ARHGAP4: variants seen among roughly 807,000 people sequenced by gnomAD.
ARHGAP4 encodes the protein rho GTPase-activating protein 4.
A neutral mutation model predicts 67.6 loss-of-function variants in ARHGAP4; 25 were observed. The ratio of observed to expected loss-of-function variants is 0.37; its 90% confidence interval spans 0.27 to 0.52. The LOEUF is 0.52. Among genes scored for constraint, ARHGAP4 ranks in the 20% least tolerant of loss-of-function variants. The probability of loss-of-function intolerance (pLI) is 0.92; values close to 1 mark genes in which losing one functional copy is unlikely to be tolerated. For missense variants in ARHGAP4, 804 were observed against 854.6 expected (o/e 0.94, Z 0.74); for synonymous variants, 448 against 373.7 (o/e 1.20, Z -2.29).
rs1226684611 is a variant in ARHGAP4 at position 153,920,791 on chromosome X, C to T, written c.516G>A (p.Gln172=). The stretch of plus-strand genomic sequence containing the variant: ...CATTCACGCTCTCCATGTGATATGC[C>T]TGGTACGTCTTCTTGGCCTGCAGGG... ...SELQTAKKTY[Q]AYHMESVNAE... Residue 172 remains glutamine, a synonymous_variant, in exon 5 of 22, where the codon CAG becomes CAA. Transcript: ENST00000350060. The T allele has an allele frequency of 2.8e-5, 34 of 1,211,119 alleles. No homozygotes were observed. The Admixed American group carries it at 7.4e-4, about 26-fold the overall frequency.
chrX:153,912,445 C>T (rs781909006), intron 12 of ARHGAP4, among the ~76,000 whole-genome samples: 6 of 112,128 alleles, frequency 5.4e-5, no homozygotes, highest in African/African-American at 1.6e-4. Context: ...CTCAATATCT[C>T]GCCCCTAAAA....
At chrX:153,925,700 T>C (rs973538251) in intron 1 of ARHGAP4, among the ~76,000 whole-genome samples, 2 of 112,120 alleles carry the variant, frequency 1.8e-5, no homozygotes, top group Non-Finnish European at 1.9e-5. Flanking sequence ...CTCCAGGGAC[T>C]GCAGTGGGGT....
chrX:153,919,833 C>A (rs1373705295), intron 5 of ARHGAP4: 3 of 595,841 alleles, frequency 5.0e-6, no homozygotes, highest in Non-Finnish European at 4.8e-6. Flanking sequence ...GTCGCCCAGG[C>A]TGGAGTACAG....
chrX:153,914,542 A>T, intron 7 of ARHGAP4, among the ~76,000 whole-genome samples: 1 of 111,752 alleles, frequency 8.9e-6, no homozygotes, highest in Non-Finnish European at 1.9e-5. Context: ...CTAAAAATAC[A>T]AAAAATTAAC....
rs2064999597 is a variant in ARHGAP4, at chrX:153,909,488, G to A, written c.2462C>T (p.Ser821Phe). 8.3e-7 allele frequency: 1 copy of A among 1,209,899 alleles called. No homozygotes were observed. Among genetic ancestry groups the A allele is most frequent in the Non-Finnish European group, 1.1e-6 (1 of 894,648 alleles). ...CAGGAGGCCCTCGGGACTGCTCCCA[G>A]ACTCCCCTGCAGTCTGCAGCCCTGC... Reference protein sequence around the residue: ...VGAGLQTAGESGSSPEGLLAS... With the variant: ...VGAGLQTAGEFGSSPEGLLAS... Residue 821 changes from serine to phenylalanine, a missense_variant, in exon 20 of 22, where the codon TCT (serine) becomes TTT (phenylalanine). Around this residue, in one of 2 missense-constraint regions of ARHGAP4, gnomAD observed 400 missense variants for 348.7 expected, o/e 1.15. Transcript: ENST00000350060.
intron 7 of ARHGAP4, among the ~76,000 whole-genome samples, chrX:153,916,875 C>G (rs1438322466): frequency 8.9e-6 from 1 of 111,853 alleles, no homozygotes; most frequent in African/African-American, 3.3e-5. Flanking sequence ...GTCAGGAGTT[C>G]GAGACAAGCC....
At chrX:153,912,426 G>A (rs1389200175) in intron 12 of ARHGAP4, among the ~76,000 whole-genome samples, 1 of 111,947 alleles carries the variant, frequency 8.9e-6, no homozygotes, top group Non-Finnish European at 1.9e-5. Context: ...AAGTCGCAGG[G>A]GAGAAGCTCT....
intron 7 of ARHGAP4, among the ~76,000 whole-genome samples, chrX:153,916,296 G>C (rs2065055162): frequency 8.9e-6 from 1 of 112,866 alleles, no homozygotes; most frequent in African/African-American, 3.2e-5. Context: ...CCAGGACCAA[G>C]CCCCACTTAC....
intron 12 of ARHGAP4, among the ~76,000 whole-genome samples, 155 bp downstream of exon 12, chrX:153,912,545 G>A (rs1557103506): frequency 8.9e-6 from 1 of 112,227 alleles, no homozygotes; most frequent in East Asian, 2.8e-4. Flanking sequence ...GCCCAACAGT[G>A]GCCTGGAAGA....
Position 153,910,226 on chromosome X carries a change from G to A in ARHGAP4, c.2101C>T (p.Leu701=), listed in dbSNP as rs1044512023. ...CACTTCTCGTAGACGGGGCCAGGCA[G>A]CGAGGTCAGGGGCGGGAAGACCCGA... ...PDRVFPPLTS[L]PGPVYEKCMA... Residue 701 remains leucine (L), a synonymous_variant, in exon 17 of 22, where the codon CTG becomes TTG. Coordinates refer to ENST00000350060, the MANE Select transcript of ARHGAP4 (RefSeq NM_001666.5). 54 of 1,209,916 alleles carry A rather than the reference G, an allele frequency of 4.5e-5. No individual in the cohort carries two copies. The highest frequency in any genetic ancestry group is 5.5e-5 in the Non-Finnish European group (49 of 895,197).
rs74328477 is a variant in ARHGAP4 at position 153,919,317 on chromosome X, G to A, written c.682-34C>T. The A allele has an allele frequency of 3.9e-3, 4,673 of 1,210,469 alleles. 11 individuals carry two copies. The highest frequency in any genetic ancestry group is 5.4e-3 in the Admixed American group (250 of 45,878). Reference sequence around the variant, plus strand: ...GACAATGCAAGCGTGCCAGGGTCACGCACGTGGCCAGCCCCTATCTCTAGC... The same window carrying A: ...GACAATGCAAGCGTGCCAGGGTCACACACGTGGCCAGCCCCTATCTCTAGC... On this transcript the variant is annotated intron_variant, in intron 5 of 21. Transcript: ENST00000350060.
At position 153,909,911 on chromosome X, in the gene ARHGAP4, G is replaced by A. The variant is rs373068528; in HGVS notation, c.2244C>T (p.Val748=). ...MPAQEDDLEG[V]VEAVACFAYT... ...AGGCAAAGCAGGCCACAGCCTCCAC[G>A]ACCCCCTCCAGGTCTGGGGAGGAGA... is the stretch of plus-strand genomic sequence containing the variant. The change falls in exon 19 of 22, where the codon GTC becomes GTT. Residue 748 remains valine (V), a synonymous_variant. Transcript: ENST00000350060. 198 of 1,204,633 alleles carry A rather than the reference G, an allele frequency of 1.6e-4. 1 individual carries two copies. In the Middle Eastern group the frequency reaches 4.7e-3, roughly 29 times the overall value.
In ARHGAP4 at chrX:153,909,101, G is replaced by C. The variant is rs1557101999; in HGVS notation, c.2576C>G (p.Ala859Gly). Residue 859 changes from alanine (A) to glycine (G), a missense_variant, in exon 21 of 22, where the codon GCC becomes GGC. This residue lies in a region of ARHGAP4 where 400 missense variants were observed against 348.7 expected (regional missense o/e 1.15). Coordinates refer to ENST00000350060, the MANE Select transcript of ARHGAP4 (RefSeq NM_001666.5). ...CACCTCCACGTGTTGCTCTGGGGAG[G>C]CTGGGACCAAGCAGCGTCGTCTGTG... ...SGHRRRCLVP[A>G]SPEQHVEVDK... is the part of the protein sequence containing the mutation. The C allele has an allele frequency of 1.7e-6, 2 of 1,210,357 alleles. No homozygotes were observed. Among genetic ancestry groups the C allele is most frequent in the Admixed American group, 4.4e-5 (2 of 45,929 alleles).
chrX:153,913,817 G>A lies in ARHGAP4; in HGVS notation c.1095C>T (p.Ile365=), dbSNP rs1557103854. Residue 365 remains isoleucine (I), a synonymous_variant, in exon 8 of 22, where the codon ATC becomes ATT. Coordinates refer to ENST00000350060, the MANE Select transcript of ARHGAP4 (RefSeq NM_001666.5). ...RDEILPRAQN[I]QSRLDRQTIE... Reference sequence around the variant, plus strand: ...TGGTCTGTCGGTCCAGGCGGCTCTGGATGTTCTGGGCTCTGGGCAGAATCT... The same window carrying A: ...TGGTCTGTCGGTCCAGGCGGCTCTGAATGTTCTGGGCTCTGGGCAGAATCT... 8.2e-7 allele frequency: 1 copy of A among 1,212,244 alleles called. No homozygotes were observed. Among genetic ancestry groups the A allele is most frequent in the Non-Finnish European group, 1.1e-6 (1 of 895,605 alleles).
chrX:153,915,248 T>G (rs1005827590), intron 7 of ARHGAP4, among the ~76,000 whole-genome samples: 1 of 110,633 alleles, frequency 9.0e-6, no homozygotes, highest in African/African-American at 3.3e-5. Flanking sequence ...GGAGTTGGGG[T>G]TGAACGGGGC....
Position 153,910,159 on chromosome X carries a change from C to T in ARHGAP4, c.2156+12G>A. 1 of 1,211,019 alleles carries T rather than the reference C, an allele frequency of 8.3e-7. No homozygotes were observed. The highest frequency in any genetic ancestry group is 1.7e-5 in the African/African-American group (1 of 57,898). On this transcript the variant is annotated intron_variant, in intron 17 of 21. Transcript: ENST00000350060. The stretch of plus-strand genomic sequence containing the variant: ...GGACCCCCCAGTCCCCTCGGCAGCA[C>T]CAAGGGTGTACCCCAGGCAGCTGGC...
At chrX:153,914,168 C>A (rs782188280) in intron 7 of ARHGAP4, 2 of 346,364 alleles carry the variant, frequency 5.8e-6, no homozygotes, top group African/African-American at 5.1e-5. Flanking sequence ...AATGAATCCA[C>A]TTATGTGAAG....
chrX:153,912,956 G>C, intron 11 of ARHGAP4, 68 bp downstream of exon 11: 1 of 1,164,133 alleles, frequency 8.6e-7, no homozygotes, highest in South Asian at 1.9e-5. Flanking sequence ...TTGGGCAGCT[G>C]AGCTGGGCCC....
chrX:153,909,648 C>G lies in ARHGAP4; in HGVS notation c.2414+93G>C, dbSNP rs782068590. ...AGAGAGGCTCTGTTCTCTGGCCCAG[C>G]CCAGACCTTCAGAATCTAACTTGGG... On this transcript the variant is annotated intron_variant, in intron 19 of 21. Coordinates refer to ENST00000350060, the MANE Select transcript of ARHGAP4 (RefSeq NM_001666.5). 1.3e-4 allele frequency: 139 copies of G among 1,093,295 alleles called. No individual in the cohort carries two copies. In the African/African-American group the frequency reaches 2.1e-3, roughly 17 times the overall value. 90.1% of individuals were successfully genotyped at this position (1,093,295 alleles called of 1,213,427 possible).
Sources: allele counts gnomAD v4.1 joint callset (sites outside exome capture counted in the v4.1 genomes callset), GRCh38; gene constraint gnomAD v4.1.1; regional missense constraint gnomAD v4.1.1; transcripts MANE v1.5; gene names NCBI Gene and HGNC (gene_info 2026-07-23, HGNC 2026-07-21).